The following MIR2052HG variants were observed in gnomAD, a reference collection of about 807,000 sequenced individuals.
MIR2052HG encodes the protein MIR2052 host gene.
chr8:74,627,070 C>T (rs1808446868), intron 2 of MIR2052HG, among the ~76,000 whole-genome samples: 1 of 152,320 alleles, frequency 6.6e-6, no homozygotes, highest in South Asian at 2.1e-4. Context: ...TTGGCTCTCA[C>T]CCTGCCCACA....
At chr8:74,706,918 C>T (rs944661519) in intron 4 of MIR2052HG, among the ~76,000 whole-genome samples, 9 of 152,030 alleles carry the variant, frequency 5.9e-5, no homozygotes, top group East Asian at 3.9e-4. Context: ...TGGATGCACA[C>T]GGGTGAGGCG....
chr8:74,746,960 G>A (rs562685860), intron 4 of MIR2052HG, among the ~76,000 whole-genome samples: 11 of 151,996 alleles, frequency 7.2e-5, no homozygotes, highest in Non-Finnish European at 1.3e-4. Context: ...TACCACCCAA[G>A]CCCCCTTATA....
chr8:74,616,186 A>G (rs1808279300), intron 2 of MIR2052HG, among the ~76,000 whole-genome samples: 2 of 151,994 alleles, frequency 1.3e-5, no homozygotes, highest in African/African-American at 4.8e-5. Flanking sequence ...AGGAATTGCC[A>G]CACTGTCTTC....
chr8:74,619,202 C>A (rs533768855), intron 2 of MIR2052HG, among the ~76,000 whole-genome samples: 1 of 151,990 alleles, frequency 6.6e-6, no homozygotes, highest in Non-Finnish European at 1.5e-5. Flanking sequence ...CTACCCAAAG[C>A]AATATACAAA....
intron 2 of MIR2052HG, among the ~76,000 whole-genome samples, chr8:74,648,131 C>T (rs975485996): frequency 6.6e-6 from 1 of 152,116 alleles, no homozygotes; most frequent in African/African-American, 2.4e-5. Flanking sequence ...TCCCAGAAAG[C>T]TATAGACAGA....
intron 5 of MIR2052HG, among the ~76,000 whole-genome samples, chr8:74,754,378 G>A (rs915724426): frequency 1.2e-4 from 19 of 152,212 alleles, no homozygotes; most frequent in African/African-American, 4.1e-4. Flanking sequence ...GGAAAGCACA[G>A]AAGATCCAGA....
chr8:74,639,593 T>C (rs1808617395), intron 2 of MIR2052HG, among the ~76,000 whole-genome samples: 1 of 152,184 alleles, frequency 6.6e-6, no homozygotes, highest in African/African-American at 2.4e-5. Flanking sequence ...AGGAATTGTG[T>C]TTCATTTCTG....
At chr8:74,673,401 A>G (rs189696426) in intron 2 of MIR2052HG, among the ~76,000 whole-genome samples, 50 of 152,168 alleles carry the variant, frequency 3.3e-4, no homozygotes, top group African/African-American at 1.2e-3. Context: ...GACACCCATC[A>G]GATAGATCAC....
At chr8:74,655,212 T>C (rs1330772220) in intron 2 of MIR2052HG, among the ~76,000 whole-genome samples, 2 of 152,170 alleles carry the variant, frequency 1.3e-5, no homozygotes, top group African/African-American at 4.8e-5. Flanking sequence ...TGCAGCCTGA[T>C]GATGCAATAG....
At chr8:74,632,417 T>A (rs1282999682) in intron 2 of MIR2052HG, 1 of 152,138 alleles carries the variant, frequency 6.6e-6, no homozygotes, top group Non-Finnish European at 1.5e-5. Flanking sequence ...AGAGCCTGCT[T>A]GGCCCGTGTC....
At chr8:74,622,565 C>G (rs1475807904) in intron 2 of MIR2052HG, among the ~76,000 whole-genome samples, 1 of 152,000 alleles carries the variant, frequency 6.6e-6, no homozygotes, top group Non-Finnish European at 1.5e-5. Flanking sequence ...GATCTCATCA[C>G]TGCACTCCAG....
At chr8:74,726,866 T>C (rs991147106) in intron 4 of MIR2052HG, among the ~76,000 whole-genome samples, 6 of 152,238 alleles carry the variant, frequency 3.9e-5, no homozygotes, top group African/African-American at 1.4e-4. Context: ...TGACTGTTCA[T>C]GGGCTGCCCA....
At chr8:74,628,177 G>A (rs1202823738) in intron 2 of MIR2052HG, among the ~76,000 whole-genome samples, 1 of 152,138 alleles carries the variant, frequency 6.6e-6, no homozygotes, top group Non-Finnish European at 1.5e-5. Flanking sequence ...TATGGCCTTG[G>A]GGATTGGTGA....
rs1809182504 is a variant in MIR2052HG at position 74,686,499 on chromosome 8, A to AC, written n.217-15878dup. ...GTGCCAGCTATATGCCAGACATTCT[A>AC]CCATGCCCCAAAATACAGAAAAAGA... is the stretch of plus-strand genomic sequence containing the variant. On this transcript the variant is annotated intron_variant and non_coding_transcript_variant, in intron 2 of 6. Transcript: ENST00000523442. Among the ~76,000 whole-genome samples, 4 of 152,044 alleles carry AC rather than the reference A, an allele frequency of 2.6e-5. No homozygotes were observed. The South Asian group carries it at 6.2e-4, about 24-fold the overall frequency.
intron 2 of MIR2052HG, among the ~76,000 whole-genome samples, chr8:74,668,789 G>A (rs1054611911): frequency 1.3e-5 from 2 of 152,164 alleles, no homozygotes; most frequent in South Asian, 2.1e-4. Flanking sequence ...TGGCACCACT[G>A]GCAGTTAATG....
intron 2 of MIR2052HG, among the ~76,000 whole-genome samples, chr8:74,701,441 T>C (rs951636769): frequency 1.3e-5 from 2 of 151,998 alleles, no homozygotes; most frequent in Non-Finnish European, 2.9e-5. Context: ...GTATATTCCT[T>C]CTCCATACTC....
chr8:74,732,721 A>G (rs1466502721), intron 4 of MIR2052HG, among the ~76,000 whole-genome samples: 1 of 152,192 alleles, frequency 6.6e-6, no homozygotes, highest in Non-Finnish European at 1.5e-5. Context: ...AATAAGGTAA[A>G]GGACTGTGCC....
At chr8:74,673,316 T>C (rs1809013133) in intron 2 of MIR2052HG, among the ~76,000 whole-genome samples, 1 of 151,834 alleles carries the variant, frequency 6.6e-6, no homozygotes, top group Admixed American at 6.6e-5. Context: ...CCTTAGGGAG[T>C]CTCTCATGAG....
At chr8:74,734,978 A>G (rs1809731497) in intron 4 of MIR2052HG, among the ~76,000 whole-genome samples, 1 of 152,360 alleles carries the variant, frequency 6.6e-6, no homozygotes, top group African/African-American at 2.4e-5. Flanking sequence ...CATATCTGTC[A>G]GTGGCCTGGA....
Sources: gnomAD v4.1 joint callset for allele counts (sites outside exome capture counted in the v4.1 genomes callset) on GRCh38, gnomAD v4.1.1 for gene constraint, MANE v1.5 for transcripts, NCBI Gene and HGNC (gene_info 2026-07-23, HGNC 2026-07-21) for gene names.